The following CNOT4 variants were observed in gnomAD, a reference collection of about 807,000 sequenced individuals.
CNOT4 encodes the protein CCR4-NOT transcription complex subunit 4, also known as CCR4-associated factor 4.
Under a neutral mutation model 73.8 loss-of-function variants are expected in CNOT4, and 8 were observed. The observed-to-expected ratio is 0.11, with a 90% confidence interval of 0.06 to 0.20. The LOEUF (loss-of-function observed/expected upper bound fraction) is 0.20. Ranked by LOEUF, CNOT4 falls within the 10% of genes least tolerant of loss-of-function variation. The pLI is 1.00. For synonymous variants in CNOT4, 293 were observed against 321.1 expected, an observed-to-expected ratio of 0.91 and a Z score of 0.94; for missense variants, 564 against 883.4, an observed-to-expected ratio of 0.64 and a Z score of 4.58.
At chr7:135,505,603 T>C (rs1169833464) in intron 1 of CNOT4, among the ~76,000 whole-genome samples, 3 of 152,106 alleles carry the variant, frequency 2.0e-5, no homozygotes, top group East Asian at 3.9e-4. Context: ...CCTGTTAAGA[T>C]GAAAAATAAA....
chr7:135,399,705 C>G (rs1585586158), intron 7 of CNOT4, among the ~76,000 whole-genome samples: 1 of 152,086 alleles, frequency 6.6e-6, no homozygotes, highest in East Asian at 1.9e-4. Context: ...AGTACCCAAT[C>G]TGAATCCCAG....
intron 7 of CNOT4, among the ~76,000 whole-genome samples, chr7:135,402,347 T>C (rs151155736): frequency 2.0e-5 from 3 of 152,236 alleles, no homozygotes; most frequent in African/African-American, 7.2e-5. Context: ...TGGCCTCAAG[T>C]GATCTGCCAG....
intron 1 of CNOT4, among the ~76,000 whole-genome samples, chr7:135,468,429 C>T (rs918654960): frequency 6.6e-5 from 10 of 152,014 alleles, no homozygotes; most frequent in Non-Finnish European, 1.2e-4. Context: ...ACCTGTAGTC[C>T]GAACACTTTG....
intron 7 of CNOT4, among the ~76,000 whole-genome samples, chr7:135,398,538 A>G (rs1269739365): frequency 2.0e-5 from 3 of 152,046 alleles, no homozygotes; most frequent in Non-Finnish European, 4.4e-5. Context: ...TGTTCGCCCA[A>G]TAAGTATAAT....
At position 135,504,478 on chromosome 7, in the gene CNOT4, T is replaced by A. The variant is rs1563088712; in HGVS notation, c.-93+5411A>T. Reference sequence around the variant, plus strand: ...ATCCGGCTAATTTTTTTTTTTTTTTTTTTTTTTTTTTATTTTTATTTTTTT... The same window carrying A: ...ATCCGGCTAATTTTTTTTTTTTTTTATTTTTTTTTTTATTTTTATTTTTTT... On this transcript the variant is annotated intron_variant, in intron 1 of 11. Transcript: ENST00000541284. Among the ~76,000 whole-genome samples, 34 of 71,446 alleles carry A rather than the reference T, an allele frequency of 4.8e-4. 6 individuals are homozygous for A. Among genetic ancestry groups the A allele is most frequent in the East Asian group, 1.9e-3 (7 of 3,772 alleles). The allele number at this position is 71,446 out of a possible 152,430, so 46.9% of individuals were successfully genotyped here. A position where few individuals can be genotyped will look rare whatever the true frequency, so the allele number is the denominator to read the frequency against.
chr7:135,477,322 G>A (rs1279794429), intron 1 of CNOT4, among the ~76,000 whole-genome samples: 3 of 150,454 alleles, frequency 2.0e-5, no homozygotes, highest in Admixed American at 6.7e-5. Flanking sequence ...CAGCCTGGGT[G>A]ACCGAGTGAG....
In CNOT4 at chr7:135,442,346, C is replaced by T. The variant is rs113670072; in HGVS notation, c.-92-3923G>A. 2.6e-5 allele frequency among the ~76,000 whole-genome samples: 4 copies of T among 152,278 alleles called. 1 individual carries two copies. Among genetic ancestry groups the T allele is most frequent in the African/African-American group, 9.6e-5 (4 of 41,570 alleles). ...CGCGGTGGCTCATGCCTGTAAATCC[C>T]AGCACTTTGGGAGGCCAAGGCGGGC... On this transcript the variant is annotated intron_variant, in intron 1 of 11. Coordinates refer to ENST00000541284, the MANE Select transcript of CNOT4 (RefSeq NM_001190850.2).
chr7:135,504,596 C>T lies in CNOT4; in HGVS notation c.-93+5293G>A, dbSNP rs867894322. ...CCGCCTCCCGGGTTCACGCCATTCT[C>T]CTGCCTCAGCCTCCCAAGTAGCTGG... On this transcript the variant is annotated intron_variant, in intron 1 of 11. Transcript: ENST00000541284. Among the ~76,000 whole-genome samples, 8 of 115,214 alleles carry T rather than the reference C, an allele frequency of 6.9e-5. 2 individuals carry two copies. Among genetic ancestry groups the T allele is most frequent in the African/African-American group, 1.5e-4 (4 of 27,042 alleles). The allele number at this position is 115,214 out of a possible 152,430, so 75.6% of individuals were successfully genotyped here. A position where few individuals can be genotyped will look rare whatever the true frequency, so the allele number is the denominator to read the frequency against.
chr7:135,375,280 GGT>G (rs1416399533), intron 10 of CNOT4, among the ~76,000 whole-genome samples: 5 of 152,176 alleles, frequency 3.3e-5, no homozygotes, highest in African/African-American at 1.2e-4. Context: ...AGTGTGGAAT[GGT>G]TCAAAGAAGT....
At chr7:135,443,500 G>A (rs569177080) in intron 1 of CNOT4, among the ~76,000 whole-genome samples, 11 of 152,206 alleles carry the variant, frequency 7.2e-5, no homozygotes, top group South Asian at 2.1e-4. Flanking sequence ...CAAAACTCAC[G>A]CCCTTTCCAA....
intron 1 of CNOT4, among the ~76,000 whole-genome samples, chr7:135,493,153 G>A (rs796423895): frequency 2.6e-5 from 4 of 152,282 alleles, no homozygotes; most frequent in African/African-American, 9.6e-5. Flanking sequence ...TGTTCAAATG[G>A]AGTAGGTCAG....
intron 7 of CNOT4, among the ~76,000 whole-genome samples, chr7:135,406,492 T>G (rs1459705019): frequency 6.6e-6 from 1 of 151,432 alleles, no homozygotes; most frequent in Non-Finnish European, 1.5e-5. Context: ...AAACGCCATC[T>G]CTACAAAAAA....
intron 1 of CNOT4, among the ~76,000 whole-genome samples, chr7:135,455,509 C>T (rs1376089328): frequency 1.3e-5 from 2 of 151,490 alleles, no homozygotes; most frequent in Non-Finnish European, 2.9e-5. Context: ...TATTTTGCAA[C>T]AAAAGTGGTC....
intron 2 of CNOT4, among the ~76,000 whole-genome samples, chr7:135,428,515 G>A (rs573274996): frequency 6.6e-6 from 1 of 151,670 alleles, no homozygotes; most frequent in African/African-American, 2.4e-5. Flanking sequence ...ATAACAGCAA[G>A]AGAAAAAAAA....
Position 135,364,084 on chromosome 7 carries a change from A to G in CNOT4, c.1628-18T>C, listed in dbSNP as rs1794785213. On this transcript the variant is annotated intron_variant, in intron 10 of 11. Coordinates refer to ENST00000541284, the MANE Select transcript of CNOT4 (RefSeq NM_001190850.2). The surrounding 1 kb of genome is among the most constrained non-coding windows in gnomAD (Gnocchi z 4.3). ...GCTGTTGTCTGGGAGATTTACCAAC[A>G]AAAAAATGAAAGATAAAAAAAAATA... 1 of 1,512,864 alleles carries G rather than the reference A, an allele frequency of 6.6e-7. No individual in the cohort carries two copies. The highest frequency in any genetic ancestry group is 1.2e-5 in the South Asian group (1 of 83,590). 93.7% of individuals were successfully genotyped at this position (1,512,864 alleles called of 1,614,324 possible).
At chr7:135,453,830 A>T (rs914116676) in intron 1 of CNOT4, among the ~76,000 whole-genome samples, 1 of 130,972 alleles carries the variant, frequency 7.6e-6, no homozygotes, top group Non-Finnish European at 1.6e-5. Context: ...TATATTTTAT[A>T]TATATATATA....
chr7:135,387,623 T>C, intron 10 of CNOT4: 1 of 983,294 alleles, frequency 1.0e-6, no homozygotes, highest in Non-Finnish European at 1.2e-6. Flanking sequence ...AGGTGTGACT[T>C]TCCCTTTCTT....
intron 2 of CNOT4, among the ~76,000 whole-genome samples, chr7:135,430,433 T>C (rs148065749): frequency 5.1e-4 from 78 of 152,192 alleles, no homozygotes; most frequent in African/African-American, 1.8e-3. Context: ...AGGGCAGTAG[T>C]TCAAGACCAA....
At chr7:135,392,677 T>C (rs1796462394) in intron 10 of CNOT4, among the ~76,000 whole-genome samples, 1 of 152,164 alleles carries the variant, frequency 6.6e-6, no homozygotes, top group Admixed American at 6.5e-5. Flanking sequence ...GTCCCAACAC[T>C]GTGCAAATAA....
Sources: gnomAD v4.1 joint callset for allele counts (sites outside exome capture counted in the v4.1 genomes callset) on GRCh38, gnomAD v4.1.1 for gene constraint, Gnocchi (gnomAD v3.1) non-coding constraint, MANE v1.5 for transcripts, NCBI Gene and HGNC (gene_info 2026-07-23, HGNC 2026-07-21) for gene names.